Variants in SUPV3L1 observed in about 807,000 individuals in gnomAD.
SUPV3L1 encodes ATP-dependent RNA helicase SUPV3L1, mitochondrial.
A neutral mutation model predicts 70.0 loss-of-function variants in SUPV3L1; 35 were observed. That is an observed-to-expected ratio of 0.50 (90% CI 0.38 to 0.66). The LOEUF (loss-of-function observed/expected upper bound fraction) is 0.66, where lower values mean the gene tolerates loss of function less well. Among genes scored for constraint, SUPV3L1 ranks in the 30% least tolerant of loss-of-function variants. SUPV3L1 has a pLI of 0.00. For synonymous variants in SUPV3L1, 364 were observed against 341.9 expected (o/e 1.06, Z -0.71); for missense variants, 777 against 961.5 (o/e 0.81, Z 2.54).
intron 7 of SUPV3L1, among the ~76,000 whole-genome samples, chr10:69,195,896 A>T (rs547099562): frequency 5.3e-4 from 81 of 152,044 alleles, no homozygotes; most frequent in African/African-American, 1.8e-3. Flanking sequence ...CTGTTTGCCA[A>T]CATGCCCCCT....
At chr10:69,186,325 CA>C (rs34197871) in intron 2 of SUPV3L1, 117 bp from the exon 3 acceptor site, 12,300 of 391,314 alleles carry the variant, frequency 0.031, 1 homozygote, top group East Asian at 0.12. Context: ...GCTGTACTGC[CA>C]AAAAAAAAAA....
chr10:69,184,296 AG>A (rs1842151941), intron 1 of SUPV3L1, among the ~76,000 whole-genome samples: 1 of 152,154 alleles, frequency 6.6e-6, no homozygotes, highest in Non-Finnish European at 1.5e-5. Context: ...TGGGAGGCTG[AG>A]GCTGGCAGAT....
At chr10:69,188,167 G>T (rs7908670) in intron 4 of SUPV3L1, among the ~76,000 whole-genome samples, 8 of 152,140 alleles carry the variant, frequency 5.3e-5, no homozygotes, top group Non-Finnish European at 1.2e-4. Flanking sequence ...AGACCCTGCC[G>T]ATTCTTACCT....
In SUPV3L1 at chr10:69,199,143, A is replaced by G. The variant is rs199507911; in HGVS notation, c.1244A>G (p.Asn415Ser). The G allele has an allele frequency of 5.2e-5, 84 of 1,612,856 alleles. 2 individuals carry two copies. In the African/African-American group the frequency reaches 8.9e-4, roughly 17 times the overall value. The change falls in exon 10 of 15, where the codon AAT becomes AGT. Residue 415 changes from asparagine to serine, a missense_variant. Asn to Ser is a conservative substitution (Grantham distance 46). Around this residue, in one of 2 missense-constraint regions of SUPV3L1, gnomAD observed 619 missense variants for 823.3 expected, o/e 0.75. Coordinates refer to ENST00000359655, the MANE Select transcript of SUPV3L1 (RefSeq NM_003171.5). ...LAQAKKFNDP[N>S]DPCKILVATD... ...CAAGCAAAAAAGTTTAATGATCCCA[A>G]TGACCCATGCAAAATCTTGGTTGCT...
In SUPV3L1 at chr10:69,208,515, T is replaced by C. The variant is rs1589393985; in HGVS notation, c.1926-85T>C. 11 of 1,348,316 alleles carry C rather than the reference T, an allele frequency of 8.2e-6. No individual in the cohort carries two copies. In the East Asian group the frequency reaches 2.1e-4, roughly 25 times the overall value. 83.5% of individuals were successfully genotyped at this position (1,348,316 alleles called of 1,614,324 possible). ...AAAAAGAACATTTAGAATTTATCAA[T>C]GTCATGATGTAGGTGTGCCATTGAG... On this transcript the variant is annotated intron_variant, in intron 14 of 14. Coordinates refer to ENST00000359655, the MANE Select transcript of SUPV3L1 (RefSeq NM_003171.5).
At chr10:69,186,142 A>G in intron 2 of SUPV3L1, 78 bp downstream of exon 2, 3 of 1,261,688 alleles carry the variant, frequency 2.4e-6, no homozygotes, top group Non-Finnish European at 3.4e-6. Flanking sequence ...ACGACCCCTC[A>G]TGTGACCTGG....
At chr10:69,196,927 A>G in intron 7 of SUPV3L1, 65 bp from the exon 8 acceptor site, 5 of 1,393,770 alleles carry the variant, frequency 3.6e-6, no homozygotes, top group Middle Eastern at 1.8e-4. Context: ...TACTTTGGCT[A>G]TGTAAAATGT....
rs775374428 is a variant in SUPV3L1, at chr10:69,207,788, C to T, written c.1777-5C>T. 1.9e-6 allele frequency: 3 copies of T among 1,609,904 alleles called. No homozygotes were observed. The South Asian group carries it at 3.3e-5, about 18-fold the overall frequency. On this transcript the variant is annotated splice_region_variant and splice_polypyrimidine_tract_variant and intron_variant, in intron 13 of 14. Transcript: ENST00000359655. ...TCTGAAACCCTTTTCCTCTTTCTCT[C>T]TCAGTTTGCCAGGCAGTATAGCAGG...
At chr10:69,196,365 G>A (rs1311259062) in intron 7 of SUPV3L1, among the ~76,000 whole-genome samples, 2 of 152,054 alleles carry the variant, frequency 1.3e-5, no homozygotes, top group Non-Finnish European at 2.9e-5. Flanking sequence ...GGTGGCGCAT[G>A]CCTGTAACCC....
At position 69,200,311 on chromosome 10, in the gene SUPV3L1, A is replaced by T. The variant is rs565635337; in HGVS notation, c.1330A>T (p.Ile444Leu). 3 of 1,614,096 alleles carry T rather than the reference A, an allele frequency of 1.9e-6. No homozygotes were observed. The South Asian group carries it at 3.3e-5, about 18-fold the overall frequency. Residue 444 changes from isoleucine to leucine, a missense_variant, in exon 11 of 15, where the codon ATA becomes TTA. Ile to Leu is a conservative substitution (Grantham distance 5). Transcript: ENST00000359655. ...AAGGAGAATTATTTTTTACTCCCTT[A>T]TAAAGCCCAGTATCAATGAAAAGGG... Reference protein sequence around the residue: ...SIRRIIFYSLIKPSINEKGER... With the variant: ...SIRRIIFYSLLKPSINEKGER...
rs750450213 is a variant in SUPV3L1 at position 69,200,490 on chromosome 10, T to A, written c.1509T>A (p.Asp503Glu). The A allele has an allele frequency of 6.2e-7, 1 of 1,613,368 alleles. No individual in the cohort carries two copies. Among genetic ancestry groups the A allele is most frequent in the South Asian group, 1.1e-5 (1 of 91,056 alleles). ...AGGAAATTTTGAAGAGGCCTGTGGA[T>A]CCTATAAGGGTAAGAGGTAACATGT... The part of the protein sequence containing the change: ...LLKEILKRPV[D>E]PIRAAGLHPT... The change falls in exon 11 of 15, where the codon GAT (aspartate) becomes GAA (glutamate). Residue 503 changes from aspartate to glutamate, a missense_variant. Asp to Glu is a conservative substitution (Grantham distance 45, BLOSUM62 2). Coordinates refer to ENST00000359655, the MANE Select transcript of SUPV3L1 (RefSeq NM_003171.5).
intron 4 of SUPV3L1, among the ~76,000 whole-genome samples, chr10:69,188,370 A>G (rs1166114035): frequency 1.3e-5 from 2 of 152,012 alleles, no homozygotes; most frequent in Non-Finnish European, 2.9e-5. Context: ...CCACCTCCCT[A>G]TGCCTTGCTG....
At chr10:69,190,776 T>C (rs1030773095) in intron 5 of SUPV3L1, among the ~76,000 whole-genome samples, 2 of 152,224 alleles carry the variant, frequency 1.3e-5, no homozygotes, top group African/African-American at 4.8e-5. Flanking sequence ...GTCAGTTGTG[T>C]TGTGAACTGT....
chr10:69,200,181 A>G, intron 10 of SUPV3L1, 99 bp from the exon 11 acceptor site: 1 of 939,974 alleles, frequency 1.1e-6, no homozygotes, highest in Admixed American at 2.6e-5. Flanking sequence ...CAAGGTTGCA[A>G]GAGGACCTAA....
At chr10:69,182,473 A>G in intron 1 of SUPV3L1, 1 of 965,690 alleles carries the variant, frequency 1.0e-6, no homozygotes, top group Non-Finnish European at 1.2e-6. Context: ...GGATGAGATA[A>G]TTTGCCTTAT....
chr10:69,199,880 T>C (rs967480054), intron 10 of SUPV3L1, among the ~76,000 whole-genome samples: 3 of 152,202 alleles, frequency 2.0e-5, no homozygotes, highest in Non-Finnish European at 4.4e-5. Flanking sequence ...AGTCTCACTC[T>C]GTGCCCCACG....
At position 69,186,577 on chromosome 10, in the gene SUPV3L1, C is replaced by T. The variant is rs761367970; in HGVS notation, c.457+27C>T. 1.9e-6 allele frequency: 3 copies of T among 1,550,792 alleles called. No homozygotes were observed. In the South Asian group the frequency reaches 3.4e-5, roughly 17 times the overall value. On this transcript the variant is annotated intron_variant, in intron 3 of 14. Transcript: ENST00000359655. ...CAAGTGTTTAGAGACTTTTTAAAAT[C>T]CTATTGAACATACCTTCTATTTCTT...
In SUPV3L1 at chr10:69,186,477, A is replaced by C. The variant is rs780413440; in HGVS notation, c.384A>C (p.Arg128Ser). 6.2e-7 allele frequency: 1 copy of C among 1,613,884 alleles called. No individual in the cohort carries two copies. ...RLFHQAFISFRNYIMQSHSLD... is the reference protein window; with the variant it reads ...RLFHQAFISFSNYIMQSHSLD... Reference sequence around the variant, plus strand: ...TCCACCAAGCTTTCATAAGCTTTAGAAATTATATTATGCAGTCTCATTCCC... The same window carrying C: ...TCCACCAAGCTTTCATAAGCTTTAGCAATTATATTATGCAGTCTCATTCCC... The change falls in exon 3 of 15, where the codon AGA becomes AGC. Residue 128 changes from arginine to serine, a missense_variant. Transcript: ENST00000359655.
intron 9 of SUPV3L1, 70 bp downstream of exon 9, chr10:69,198,622 T>TA (rs1222359551): frequency 6.1e-6 from 9 of 1,465,458 alleles, no homozygotes; most frequent in East Asian, 4.6e-5. Flanking sequence ...GAGATATATA[T>TA]AAAAAAATGG....
Sources: gnomAD v4.1 joint callset for allele counts (sites outside exome capture counted in the v4.1 genomes callset) on GRCh38, gnomAD v4.1.1 for gene constraint, gnomAD v4.1.1 regional missense constraint, MANE v1.5 for transcripts, NCBI Gene and HGNC (gene_info 2026-07-23, HGNC 2026-07-21) for gene names.